PTCHD4: variants seen among roughly 807,000 people sequenced by gnomAD.
PTCHD4 encodes the protein patched domain containing 4.
A neutral mutation model predicts 58.1 loss-of-function variants in PTCHD4; 33 were observed. The observed-to-expected ratio is 0.57, with a 90% confidence interval of 0.43 to 0.76. The LOEUF is 0.76. Among genes scored for constraint, PTCHD4 ranks in the 30% least tolerant of loss-of-function variants. The pLI is 0.00. For missense variants in PTCHD4, 1,058 were observed against 1,027.1 expected (o/e 1.03, Z -0.41); for synonymous variants, 478 against 409.6 (o/e 1.17, Z -2.02).
chr6:47,991,272 A>G (rs1768271998), intron 4 of PTCHD4, among the ~76,000 whole-genome samples: 1 of 152,190 alleles, frequency 6.6e-6, no homozygotes, highest in Non-Finnish European at 1.5e-5. Context: ...CCAAAGACAA[A>G]GAAGAATCTT....
chr6:47,956,803 A>G (rs1312345459), intron 4 of PTCHD4, among the ~76,000 whole-genome samples: 1 of 152,172 alleles, frequency 6.6e-6, no homozygotes, highest in East Asian at 1.9e-4. Flanking sequence ...ACAGATAAGG[A>G]CTGGAAGATA....
At chr6:47,880,030 T>C (rs1763974546) in intron 4 of PTCHD4, 94 bp from the exon 5 acceptor site, 1 of 978,794 alleles carries the variant, frequency 1.0e-6, no homozygotes, top group African/African-American at 1.6e-5. Context: ...AATGGCACTT[T>C]ATACTCTAAT....
chr6:47,954,558 T>G (rs1334112486), intron 4 of PTCHD4, among the ~76,000 whole-genome samples: 1 of 152,150 alleles, frequency 6.6e-6, no homozygotes, highest in Admixed American at 6.5e-5. Flanking sequence ...GACATGAACA[T>G]GAAGTACACT....
intron 3 of PTCHD4, among the ~76,000 whole-genome samples, chr6:48,063,902 A>G (rs1764711083): frequency 6.6e-6 from 1 of 152,210 alleles, no homozygotes; most frequent in African/African-American, 2.4e-5. Flanking sequence ...GGCTTAAGTT[A>G]CTGTTCCATT....
At chr6:48,034,629 T>C (rs1028060146) in intron 3 of PTCHD4, among the ~76,000 whole-genome samples, 1 of 152,092 alleles carries the variant, frequency 6.6e-6, no homozygotes, top group Admixed American at 6.6e-5. Context: ...AGAGTAATAC[T>C]CAGGTTTTAA....
chr6:47,922,873 T>C (rs1289700205), intron 4 of PTCHD4, among the ~76,000 whole-genome samples: 1 of 152,238 alleles, frequency 6.6e-6, no homozygotes, highest in Non-Finnish European at 1.5e-5. Context: ...TCCCAATTAC[T>C]GCTCAGTCCT....
At chr6:48,013,375 G>GTTTT (rs5876042) in intron 3 of PTCHD4, among the ~76,000 whole-genome samples, 27 of 145,404 alleles carry the variant, frequency 1.9e-4, no homozygotes, top group Admixed American at 3.4e-4. Context: ...TTTCAGTTGA[G>GTTTT]TTTTTTTTTT....
intron 3 of PTCHD4, among the ~76,000 whole-genome samples, chr6:48,048,581 T>C (rs1764120694): frequency 6.6e-6 from 1 of 151,926 alleles, no homozygotes; most frequent in Non-Finnish European, 1.5e-5. Flanking sequence ...ATGGCCTCTG[T>C]GATTTAGTAG....
rs1419906962 is a variant in PTCHD4, at chr6:48,008,762, C to T, written c.770G>A (p.Ser257Asn). ...CCCCAGGAGGCCCAGGAAGGGCTTA[C>T]TGCGCAAGCAGTCCTTCATGGAGCT... ...LSSSMKDCLR[S>N]KPFLGLLGVL... Residue 257 changes from serine to asparagine, a missense_variant, in exon 4 of 5, where the codon AGT (serine) becomes AAT (asparagine). Physicochemically the swap from Ser to Asn is conservative, Grantham distance 46. Coordinates refer to ENST00000339488, the MANE Select transcript of PTCHD4 (RefSeq NM_001384253.1). 1 of 1,613,950 alleles carries T rather than the reference C, an allele frequency of 6.2e-7. No individual in the cohort carries two copies. Among genetic ancestry groups the T allele is most frequent in the South Asian group, 1.1e-5 (1 of 91,074 alleles).
At position 47,880,846 on chromosome 6, in the gene PTCHD4, C is replaced by CT. The variant is rs369188647; in HGVS notation, c.899-911dup. Among the ~76,000 whole-genome samples, 450 of 152,244 alleles carry CT rather than the reference C, an allele frequency of 3.0e-3. 1 individual carries two copies. The highest frequency in any genetic ancestry group is 0.01 in the African/African-American group (433 of 41,570). ...TTTCATAGCTCTTAAGATACTACCA[C>CT]TTTTTTACTAGCAAAAGGAGAAAGC... On this transcript the variant is annotated intron_variant, in intron 4 of 4. Coordinates refer to ENST00000339488, the MANE Select transcript of PTCHD4 (RefSeq NM_001384253.1).
At chr6:47,886,177 C>A (rs182583779) in intron 4 of PTCHD4, among the ~76,000 whole-genome samples, 35 of 148,914 alleles carry the variant, frequency 2.4e-4, no homozygotes, top group Admixed American at 1.2e-3. Flanking sequence ...ATCATTTTTA[C>A]AGTTGCCATT....
intron 1 of PTCHD4, among the ~76,000 whole-genome samples, chr6:48,075,441 T>G (rs1314300239): frequency 1.9e-3 from 244 of 131,814 alleles, no homozygotes; most frequent in African/African-American, 4.9e-3. Context: ...TTTTGTGGGT[T>G]TTTTTTTTTT....
intron 3 of PTCHD4, among the ~76,000 whole-genome samples, chr6:48,017,950 T>C (rs1301564293): frequency 6.6e-6 from 1 of 152,230 alleles, no homozygotes; most frequent in Non-Finnish European, 1.5e-5. Flanking sequence ...GCTCCCTGTG[T>C]GTCAGTTTTA....
chr6:48,041,903 T>A (rs1334175546), intron 3 of PTCHD4, among the ~76,000 whole-genome samples: 1 of 152,046 alleles, frequency 6.6e-6, no homozygotes, highest in Non-Finnish European at 1.5e-5. Flanking sequence ...GTAAAAAAAA[T>A]TAAAAGTGTT....
chr6:48,048,435 A>G (rs1017030596), intron 3 of PTCHD4, among the ~76,000 whole-genome samples: 3 of 151,964 alleles, frequency 2.0e-5, no homozygotes, highest in Non-Finnish European at 2.9e-5. Flanking sequence ...TGAGAGACAT[A>G]TAACAGGCTG....
intron 1 of PTCHD4, among the ~76,000 whole-genome samples, chr6:48,102,251 C>T (rs1765619933): frequency 6.6e-6 from 1 of 152,196 alleles, no homozygotes; most frequent in Non-Finnish European, 1.5e-5. Context: ...TCCTCTTCCA[C>T]AATTTTTACC....
chr6:47,903,638 T>A (rs1378069883), intron 4 of PTCHD4, among the ~76,000 whole-genome samples: 1 of 152,188 alleles, frequency 6.6e-6, no homozygotes, highest in Non-Finnish European at 1.5e-5. Flanking sequence ...TTTCATTCAA[T>A]ATATATTTAT....
At chr6:47,925,023 T>A in intron 4 of PTCHD4, among the ~76,000 whole-genome samples, 1 of 149,626 alleles carries the variant, frequency 6.7e-6, no homozygotes, top group East Asian at 1.9e-4. Context: ...TATATGCTTT[T>A]AATATATATG....
chr6:48,102,462 TA>T (rs1765625097), intron 1 of PTCHD4, among the ~76,000 whole-genome samples: 1 of 152,220 alleles, frequency 6.6e-6, no homozygotes, highest in South Asian at 2.1e-4. Context: ...AAAAGCATTT[TA>T]AAAACTATTC....
Sources: gnomAD v4.1 joint callset for allele counts (sites outside exome capture counted in the v4.1 genomes callset) on GRCh38, gnomAD v4.1.1 for gene constraint, MANE v1.5 for transcripts, NCBI Gene and HGNC (gene_info 2026-07-23, HGNC 2026-07-21) for gene names.